NME9: variants seen among roughly 807,000 people sequenced by gnomAD.
NME9 encodes thioredoxin domain-containing protein 6.
Under a neutral mutation model 44.4 loss-of-function variants are expected in NME9, and 48 were observed. The observed-to-expected ratio is 1.08, with a 90% CI of 0.86 to 1.37. The LOEUF is 1.37. Among genes scored for constraint, NME9 ranks in the 40% most tolerant of loss-of-function variants. The pLI is 0.00. For synonymous variants in NME9, 139 were observed against 147.1 expected (o/e 0.94, Z 0.40); for missense variants, 325 against 405.2 (o/e 0.80, Z 1.70).
chr3:138,302,867 G>A (rs1261191999), intron 10 of NME9, among the ~76,000 whole-genome samples: 1 of 152,176 alleles, frequency 6.6e-6, no homozygotes, highest in Non-Finnish European at 1.5e-5. Flanking sequence ...TCAAACCAGA[G>A]ACATGTAATG....
At position 138,278,249 on chromosome 3, in the gene NME9, G is replaced by A. The variant is rs568205483; in HGVS notation, c.746-15663C>T. 1.4e-4 allele frequency among the ~76,000 whole-genome samples: 22 copies of A among 152,214 alleles called. No homozygotes were observed. The East Asian group carries it at 2.1e-3, about 15-fold the overall frequency. On this transcript the variant is annotated intron_variant, in intron 8 of 8. Coordinates refer to the NME9 transcript ENST00000317876. ...TAGGCCAGGCACGGTGGCTCACACC[G>A]TGATCCCAGCACTTTGGGAGGCTGA...
intron 8 of NME9, among the ~76,000 whole-genome samples, chr3:138,264,958 C>T (rs1391104739): frequency 1.3e-5 from 2 of 151,628 alleles, no homozygotes; most frequent in African/African-American, 4.8e-5. Context: ...AGTGCAGTGG[C>T]TCAGTCATGG....
At chr3:138,307,565 GTTAT>G (rs1419535707) in intron 6 of NME9, among the ~76,000 whole-genome samples, 1 of 152,250 alleles carries the variant, frequency 6.6e-6, no homozygotes, top group South Asian at 2.1e-4. Context: ...CAACAAATCT[GTTAT>G]TTCTTTCTGA....
intron 8 of NME9, chr3:138,274,669 T>G (rs555982678): frequency 1.5e-6 from 1 of 669,314 alleles, no homozygotes; most frequent in Non-Finnish European, 2.6e-6. Context: ...GCTCTAGAAA[T>G]AGGAAGAAAT....
rs1416424225 is a variant in NME9 at position 138,301,642 on chromosome 3, A to G, written c.991T>C (p.Ter331ArgextTer28). 10 of 1,536,000 alleles carry G rather than the reference A, an allele frequency of 6.5e-6. No individual in the cohort carries two copies. In the Admixed American group the frequency reaches 1.8e-4, roughly 27 times the overall value. The change falls in exon 11 of 11, where the codon TGA becomes CGA. Residue 331 changes from the stop codon to arginine, a stop_lost. Coordinates refer to ENST00000333911, the MANE Select transcript of NME9 (RefSeq NM_001349018.2). ...EALCFPEDVD[*>R] is the part of the protein sequence containing the mutation. ...TCTGGAAGAGCAGCACAGCCATCTC[A>G]ATCCACATCCTCAGGAAAGCAAAGC...
At chr3:138,309,302 C>CAAA (rs35216977) in intron 6 of NME9, among the ~76,000 whole-genome samples, 3 of 140,974 alleles carry the variant, frequency 2.1e-5, no homozygotes, top group African/African-American at 7.8e-5. Context: ...TCATCTCAAA[C>CAAA]AAAAAAAAAA....
At position 138,307,125 on chromosome 3, in the gene NME9, C is replaced by T. The variant is rs114676339; in HGVS notation, c.461-645G>A. Among the ~76,000 whole-genome samples the T allele has an allele frequency of 6.0e-3, 908 of 152,316 alleles. 5 individuals are homozygous for T. The highest frequency in any genetic ancestry group is 0.01 in the Non-Finnish European group (691 of 68,034). Reference sequence around the variant, plus strand: ...GATTGCAGTTTCAGTAGTCTGTCTCCGTTCAAGTTCTCCTGAGAGAAGCCA... The same window carrying T: ...GATTGCAGTTTCAGTAGTCTGTCTCTGTTCAAGTTCTCCTGAGAGAAGCCA... On this transcript the variant is annotated intron_variant, in intron 6 of 10. Coordinates refer to ENST00000333911, the MANE Select transcript of NME9 (RefSeq NM_001349018.2).
At chr3:138,312,214 A>G (rs528968660) in intron 6 of NME9, among the ~76,000 whole-genome samples, 2 of 152,344 alleles carry the variant, frequency 1.3e-5, no homozygotes, top group South Asian at 2.1e-4. Context: ...TACAGATTCA[A>G]TGCAATCCCT....
chr3:138,298,548 C>T (rs1009933734), downstream of NME9, among the ~76,000 whole-genome samples: 1 of 152,150 alleles, frequency 6.6e-6, no homozygotes, highest in Non-Finnish European at 1.5e-5. Context: ...TTCCCAGAGG[C>T]ATCTGCAGCA....
intron 6 of NME9, among the ~76,000 whole-genome samples, chr3:138,308,089 A>G (rs1004832302): frequency 1.3e-5 from 2 of 152,160 alleles, no homozygotes; most frequent in Non-Finnish European, 2.9e-5. Context: ...TCTACGTGGG[A>G]GAGACTTGAT....
At chr3:138,279,123 C>T (rs956138116) in intron 8 of NME9, among the ~76,000 whole-genome samples, 15 of 152,146 alleles carry the variant, frequency 9.9e-5, no homozygotes, top group African/African-American at 3.4e-4. Context: ...CAGTCTTTCA[C>T]TATTGAATAT....
intron 8 of NME9, chr3:138,267,370 A>T (rs2048372673): frequency 1.8e-6 from 1 of 562,572 alleles, no homozygotes; most frequent in Non-Finnish European, 3.1e-6. Context: ...GTTTGATTGC[A>T]TAGCGGTAGG....
chr3:138,264,023 T>C, intron 8 of NME9: 3 of 1,069,154 alleles, frequency 2.8e-6, no homozygotes, highest in Non-Finnish European at 4.2e-6. Flanking sequence ...CACTTAACAA[T>C]GTAGATATGC....
rs537845236 is a variant in NME9, at chr3:138,272,042, T to C, written c.746-9456A>G. Among the ~76,000 whole-genome samples, 6 of 152,318 alleles carry C rather than the reference T, an allele frequency of 3.9e-5. No homozygotes were observed. The South Asian group carries it at 1.0e-3, about 26-fold the overall frequency. ...ATGGTTTTTGTTTTCTTCAGACATG[T>C]ATAGCTTGGGATTAAGCTGGGTTAA... On this transcript the variant is annotated intron_variant, in intron 8 of 8. Transcript: ENST00000317876.
At chr3:138,261,739 A>G (rs572434512) in exon 9 of NME9, 2 of 152,372 alleles carry the variant, frequency 1.3e-5, no homozygotes, top group African/African-American at 4.8e-5. Flanking sequence ...ATGTGAGAAC[A>G]TTATGGAAAG....
Position 138,301,172 on chromosome 3 carries a change from G to C in NME9, c.*468C>G, listed in dbSNP as rs1157067954. Reference sequence around the variant, plus strand: ...GTTCTACATACTGTTTAATAAGGCAGAAAAGTATATACTATTCTCTTTCTT... The same window carrying C: ...GTTCTACATACTGTTTAATAAGGCACAAAAGTATATACTATTCTCTTTCTT... On this transcript the variant is annotated 3_prime_UTR_variant, in exon 11 of 11. Coordinates refer to ENST00000333911, the MANE Select transcript of NME9 (RefSeq NM_001349018.2). 1.1e-5 allele frequency: 10 copies of C among 914,342 alleles called. No individual in the cohort carries two copies. Among genetic ancestry groups the C allele is most frequent in the Non-Finnish European group, 1.2e-5 (9 of 765,564 alleles). 56.6% of individuals were successfully genotyped at this position (914,342 alleles called of 1,614,324 possible).
At chr3:138,287,388 A>G (rs2050534651) in intron 8 of NME9, among the ~76,000 whole-genome samples, 1 of 152,174 alleles carries the variant, frequency 6.6e-6, no homozygotes, top group South Asian at 2.1e-4. Context: ...TCTCTGTTTA[A>G]GTATTGCCAC....
At chr3:138,313,940 T>G (rs575718444) in intron 6 of NME9, among the ~76,000 whole-genome samples, 1 of 152,216 alleles carries the variant, frequency 6.6e-6, no homozygotes, top group Non-Finnish European at 1.5e-5. Flanking sequence ...AGAGGTTGAT[T>G]AATAGGTACA....
chr3:138,284,636 C>T (rs2050232584), intron 8 of NME9: 2 of 778,210 alleles, frequency 2.6e-6, no homozygotes, highest in South Asian at 1.8e-5. Context: ...ATAGATTACT[C>T]TGTGACTCCT....
Sources: allele counts gnomAD v4.1 joint callset (sites outside exome capture counted in the v4.1 genomes callset), GRCh38; gene constraint gnomAD v4.1.1; transcripts MANE v1.5; gene names NCBI Gene and HGNC (gene_info 2026-07-23, HGNC 2026-07-21).